Variants in DDX60 observed in about 807,000 individuals in gnomAD.
DDX60 encodes probable ATP-dependent RNA helicase DDX60.
Under a neutral mutation model 212.8 loss-of-function variants are expected in DDX60, and 165 were observed. The ratio of observed to expected loss-of-function variants is 0.78; its 90% confidence interval spans 0.68 to 0.88. The LOEUF (loss-of-function observed/expected upper bound fraction) is 0.88. Among genes scored for constraint, DDX60 ranks in the 40% least tolerant of loss-of-function variants. The pLI is 0.00. For missense variants in DDX60, 1,905 were observed against 2,003.9 expected (o/e 0.95, Z 0.94); for synonymous variants, 703 against 685.3 (o/e 1.03, Z -0.40).
At chr4:168,294,882 T>C (rs1400050761) in intron 6 of DDX60, among the ~76,000 whole-genome samples, 1 of 152,068 alleles carries the variant, frequency 6.6e-6, no homozygotes, top group African/African-American at 2.4e-5. Flanking sequence ...AATAATCCCA[T>C]TTAAAAATAG....
intron 6 of DDX60, among the ~76,000 whole-genome samples, chr4:168,297,385 AAAGAAAGAAAGAAAGAAAGAC>A (rs1458181330): frequency 4.2e-5 from 6 of 141,542 alleles, no homozygotes; most frequent in African/African-American, 1.3e-4. Flanking sequence ...AAAGAAAGAG[AAAGAAAGAAAGAAAGAAAGAC>A]AATAAATAAT....
rs1734651531 is a variant in DDX60, at chr4:168,262,196, A to G, written c.3145-68T>C. ...AAATCCAAAAGTATTTCTCAATTAT[A>G]TGCCTCATTAACAGCCTTACAAGTT... On this transcript the variant is annotated intron_variant, in intron 23 of 37. Coordinates refer to ENST00000393743, the MANE Select transcript of DDX60 (RefSeq NM_017631.6). The G allele has an allele frequency of 2.6e-5, 39 of 1,505,650 alleles. 2 individuals carry two copies. In the South Asian group the frequency reaches 4.4e-4, roughly 17 times the overall value. 93.3% of individuals were successfully genotyped at this position (1,505,650 alleles called of 1,614,324 possible). A position where few individuals can be genotyped will look rare whatever the true frequency, so the allele number is the denominator to read the frequency against.
At chr4:168,305,249 C>T (rs1188742467) in intron 5 of DDX60, among the ~76,000 whole-genome samples, 1 of 152,172 alleles carries the variant, frequency 6.6e-6, no homozygotes, top group Non-Finnish European at 1.5e-5. Context: ...GTGAAATCGT[C>T]TAATGATGCA....
Position 168,306,424 on chromosome 4 carries a change from T to G in DDX60, c.561A>C (p.Ala187=). 3 of 1,614,044 alleles carry G rather than the reference T, an allele frequency of 1.9e-6. No homozygotes were observed. The highest frequency in any genetic ancestry group is 2.5e-6 in the Non-Finnish European group (3 of 1,179,946). The part of the protein sequence containing the change: ...GQESDVLCLY[A]YLLPSMYRHQ... ...GTCTGTACATGCTTGGAAGAAGGTATGCATAAAGGCAAAGAACATCAGATT... is the reference window on the plus strand; with the variant it reads ...GTCTGTACATGCTTGGAAGAAGGTAGGCATAAAGGCAAAGAACATCAGATT... The change falls in exon 5 of 38, where the codon GCA becomes GCC. Residue 187 remains alanine (A), a synonymous_variant. Transcript: ENST00000393743.
chr4:168,245,024 A>C (rs895072066), intron 30 of DDX60, among the ~76,000 whole-genome samples: 1 of 152,194 alleles, frequency 6.6e-6, no homozygotes, highest in Non-Finnish European at 1.5e-5. Context: ...ATACCTGAGC[A>C]TTGCATAGCA....
intron 1 of DDX60, among the ~76,000 whole-genome samples, chr4:168,312,747 T>TAGATAGATAGATAGATA (rs915120579): frequency 6.9e-6 from 1 of 144,322 alleles, no homozygotes; most frequent in African/African-American, 2.4e-5. Flanking sequence ...GATAGATAGA[T>TAGATAGATAGATAGATA]ATGATAGAGA....
chr4:168,306,712 C>G lies in DDX60; in HGVS notation c.273G>C (p.Glu91Asp), dbSNP rs879092738. 3 of 1,608,982 alleles carry G rather than the reference C, an allele frequency of 1.9e-6. No homozygotes were observed. Among genetic ancestry groups the G allele is most frequent in the South Asian group, 1.1e-5 (1 of 90,770 alleles). ...GTTCAGGGAAGTTGAAATACGCATA[C>G]TCGGCATCCTGTGGAGGAGGAGGTG... The part of the protein sequence containing the change: ...QFTIVFFKDA[E>D]YAYFNFPELL... The change falls in exon 5 of 38, where the codon GAG becomes GAC. Residue 91 changes from glutamate to aspartate, a missense_variant. By Grantham distance (45) the Glu-to-Asp change is conservative (BLOSUM62 2). Coordinates refer to ENST00000393743, the MANE Select transcript of DDX60 (RefSeq NM_017631.6).
chr4:168,265,230 T>C (rs1485955794), intron 22 of DDX60, among the ~76,000 whole-genome samples: 1 of 152,210 alleles, frequency 6.6e-6, no homozygotes, highest in East Asian at 1.9e-4. Context: ...ATTTTTATAC[T>C]ACAACTATAG....
At chr4:168,307,631 T>C (rs554239786) in intron 4 of DDX60, among the ~76,000 whole-genome samples, 1 of 152,148 alleles carries the variant, frequency 6.6e-6, no homozygotes, top group South Asian at 2.1e-4. Context: ...TTAATGACTG[T>C]CCCTAGGCTC....
In DDX60 at chr4:168,237,777, G is replaced by T. The variant is rs1425095330; in HGVS notation, c.4183C>A (p.His1395Asn). The change falls in exon 31 of 38, where the codon CAT (histidine) becomes AAT (asparagine). Residue 1395 changes from histidine (H) to asparagine (N), a missense_variant. Transcript: ENST00000393743. Reference protein sequence around the residue: ...AKAKVLSVLKHSLLSFKQPRV... With the variant: ...AKAKVLSVLKNSLLSFKQPRV... ...GGTTGCTTGAAGGACAGCAATGAAT[G>T]CTTTAGCACTGATAGCACCTTTAAA... The T allele has an allele frequency of 1.2e-6, 2 of 1,609,242 alleles. No individual in the cohort carries two copies. The highest frequency in any genetic ancestry group is 8.5e-7 in the Non-Finnish European group (1 of 1,177,812).
rs1735320029 is a variant in DDX60, at chr4:168,276,027, T to A, written c.2133A>T (p.Leu711Phe). ...YLGFDELASS[L>F]HPAQDAENDV... is the part of the protein sequence containing the mutation. ...CTGATAATATTACCTGGGCTGGATG[T>A]AAAGAACTTGCCAACTCATCAAATC... The change falls in exon 15 of 38, where the codon TTA becomes TTT. Residue 711 changes from leucine (L) to phenylalanine (F), a missense_variant. Physicochemically the swap from Leu to Phe is conservative, Grantham distance 22. Transcript: ENST00000393743. 1 of 1,611,508 alleles carries A rather than the reference T, an allele frequency of 6.2e-7. No individual in the cohort carries two copies. The highest frequency in any genetic ancestry group is 1.1e-5 in the South Asian group (1 of 90,694).
At chr4:168,303,202 T>C (rs909868579) in intron 5 of DDX60, among the ~76,000 whole-genome samples, 3 of 150,884 alleles carry the variant, frequency 2.0e-5, no homozygotes. Context: ...CTCAGGAGGC[T>C]GAGGTAGGAG....
chr4:168,263,994 A>T (rs187052693), intron 22 of DDX60, among the ~76,000 whole-genome samples: 1 of 152,324 alleles, frequency 6.6e-6, no homozygotes, highest in East Asian at 1.9e-4. Flanking sequence ...ATAATTTGAC[A>T]ATAGGGCACT....
chr4:168,306,963 C>T (rs1736911722), intron 4 of DDX60, among the ~76,000 whole-genome samples: 1 of 152,218 alleles, frequency 6.6e-6, no homozygotes. Flanking sequence ...GCTTATCATG[C>T]TTACCCTTCC....
intron 33 of DDX60, among the ~76,000 whole-genome samples, chr4:168,232,587 C>G (rs116643285): frequency 0.016 from 2,402 of 151,926 alleles, 59 homozygotes; most frequent in African/African-American, 0.053. Flanking sequence ...TTTGACAAAC[C>G]AAATGAAAAC....
At chr4:168,283,358 A>G in intron 13 of DDX60, 88 bp downstream of exon 13, 1 of 1,168,784 alleles carries the variant, frequency 8.6e-7, no homozygotes, top group South Asian at 1.4e-5. Flanking sequence ...GGCATTATAT[A>G]AAAAGAAACC....
At chr4:168,294,618 A>G (rs1410233877) in intron 6 of DDX60, among the ~76,000 whole-genome samples, 2 of 152,038 alleles carry the variant, frequency 1.3e-5, no homozygotes, top group Non-Finnish European at 2.9e-5. Flanking sequence ...CTCTTGCCTC[A>G]GCCTCCCAAG....
intron 8 of DDX60, 99 bp downstream of exon 8, chr4:168,291,649 G>T (rs1286786042): frequency 4.5e-6 from 5 of 1,123,078 alleles, no homozygotes; most frequent in African/African-American, 3.2e-5. Flanking sequence ...CCCCCAAGGG[G>T]CTAATAGTAG....
At chr4:168,275,710 C>A (rs1223766315) in intron 15 of DDX60, among the ~76,000 whole-genome samples, 1 of 151,996 alleles carries the variant, frequency 6.6e-6, no homozygotes, top group African/African-American at 2.4e-5. Context: ...TGGCTACAAC[C>A]TGATATATTT....
Sources: gnomAD v4.1 joint callset for allele counts (sites outside exome capture counted in the v4.1 genomes callset) on GRCh38, gnomAD v4.1.1 for gene constraint, MANE v1.5 for transcripts, NCBI Gene and HGNC (gene_info 2026-07-23, HGNC 2026-07-21) for gene names.